Variants in ELAVL2 observed in about 807,000 individuals in gnomAD.
ELAVL2 encodes ELAV like RNA binding protein 2.
ELAVL2 carries 4 observed loss-of-function variants against 34.6 expected under a neutral mutation model. The observed-to-expected ratio is 0.12, with a 90% CI of 0.06 to 0.26. The LOEUF (loss-of-function observed/expected upper bound fraction) is 0.26, where lower values mean the gene tolerates loss of function less well. ELAVL2 is among the 10% of genes least tolerant of loss of function. The pLI, the probability that ELAVL2 is intolerant of heterozygous loss-of-function variation, is 1.00. For missense variants in ELAVL2, 432 were observed against 442.8 expected (o/e 0.98, Z 0.22); for synonymous variants, 193 against 154.8 (o/e 1.25, Z -1.83).
chr9:23,701,700 A>T, intron 4 of ELAVL2, 96 bp from the exon 5 acceptor site: 1 of 1,275,004 alleles, frequency 7.8e-7, no homozygotes, highest in Non-Finnish European at 1.1e-6. Context: ...TCTCAAGAAC[A>T]TGTTTTCACC....
chr9:23,800,078 A>C (rs1006617137), intron 1 of ELAVL2, among the ~76,000 whole-genome samples: 2 of 152,220 alleles, frequency 1.3e-5, no homozygotes, highest in African/African-American at 2.4e-5. Flanking sequence ...AAATAACCTC[A>C]TTAAGGCAAG....
At chr9:23,768,273 T>C (rs2056691704) in intron 1 of ELAVL2, among the ~76,000 whole-genome samples, 1 of 152,146 alleles carries the variant, frequency 6.6e-6, no homozygotes, top group African/African-American at 2.4e-5. Context: ...CTTCTAGCTT[T>C]GTTTATGCAG....
At position 23,763,207 on chromosome 9, in the gene ELAVL2, A is replaced by C. The variant is rs561194264; in HGVS notation, c.-15-958T>G. On this transcript the variant is annotated intron_variant, in intron 1 of 6. Coordinates refer to ENST00000397312, the MANE Select transcript of ELAVL2 (RefSeq NM_004432.5). ...AAGTAATAGGGTATCTATAAACTCCAAACACCAGATAAAGAACAGAATTGG... is the reference window on the plus strand; with the variant it reads ...AAGTAATAGGGTATCTATAAACTCCCAACACCAGATAAAGAACAGAATTGG... Among the ~76,000 whole-genome samples the C allele has an allele frequency of 2.0e-5, 3 of 152,238 alleles. No homozygotes were observed. In the East Asian group the frequency reaches 5.8e-4, roughly 29 times the overall value.
intron 2 of ELAVL2, among the ~76,000 whole-genome samples, chr9:23,760,931 G>A (rs1426800424): frequency 6.6e-6 from 1 of 151,960 alleles, no homozygotes; most frequent in Non-Finnish European, 1.5e-5. Context: ...ATAGCTCAAA[G>A]TCCCATGTAT....
At chr9:23,754,984 G>A (rs2053188832) in intron 2 of ELAVL2, among the ~76,000 whole-genome samples, 1 of 152,064 alleles carries the variant, frequency 6.6e-6, no homozygotes, top group Non-Finnish European at 1.5e-5. Context: ...TGTTAAAAGT[G>A]CCCTTATCTT....
At chr9:23,723,531 T>C (rs576991614) in intron 3 of ELAVL2, among the ~76,000 whole-genome samples, 11 of 152,062 alleles carry the variant, frequency 7.2e-5, no homozygotes, top group African/African-American at 2.4e-4. Context: ...GACCTGCACA[T>C]TGTGCACATG....
chr9:23,811,220 A>G (rs775484661), intron 1 of ELAVL2, among the ~76,000 whole-genome samples: 8 of 152,164 alleles, frequency 5.3e-5, no homozygotes, highest in Non-Finnish European at 1.0e-4. Context: ...AAAGTCCAAG[A>G]AACAAGAACA....
At chr9:23,775,797 C>T (rs2058090102) in intron 1 of ELAVL2, among the ~76,000 whole-genome samples, 1 of 152,114 alleles carries the variant, frequency 6.6e-6, no homozygotes. Context: ...CCAGTGTCAC[C>T]CAACCTGTTT....
At chr9:23,827,542 AATGTAATGTACACATTACATTACAC>A (rs140576345), upstream of ELAVL2, among the ~76,000 whole-genome samples, 8 of 152,162 alleles carry the variant, frequency 5.3e-5, no homozygotes, top group Non-Finnish European at 1.2e-4. Context: ...AGAATGTGTA[AATGTAATGTACACATTACATTACAC>A]ATGTAATGTG....
chr9:23,793,743 T>A (rs2060589601), intron 1 of ELAVL2, among the ~76,000 whole-genome samples: 1 of 152,282 alleles, frequency 6.6e-6, no homozygotes, highest in South Asian at 2.1e-4. Context: ...GGCTCTTGAT[T>A]TTTACATGCC....
At chr9:23,835,118 T>C in the ELAVL2 span, among the ~76,000 whole-genome samples, 5 of 152,104 alleles carry the variant, frequency 3.3e-5, no homozygotes, top group African/African-American at 4.8e-5. Context: ...GCATTAATTA[T>C]GGCTATTGTT....
intron 3 of ELAVL2, among the ~76,000 whole-genome samples, chr9:23,706,336 G>C (rs2039314060): frequency 6.6e-6 from 1 of 152,190 alleles, no homozygotes; most frequent in Admixed American, 6.5e-5. Flanking sequence ...TCAATGCCTA[G>C]TGAGTGCCTG....
At chr9:23,799,172 C>A (rs147025733) in intron 1 of ELAVL2, among the ~76,000 whole-genome samples, 1 of 152,126 alleles carries the variant, frequency 6.6e-6, no homozygotes, top group East Asian at 1.9e-4. Flanking sequence ...AATTTTTTTC[C>A]ATCTCTATCT....
intron 1 of ELAVL2, among the ~76,000 whole-genome samples, chr9:23,797,923 T>C (rs1588614043): frequency 6.6e-6 from 1 of 151,852 alleles, no homozygotes; most frequent in East Asian, 1.9e-4. Flanking sequence ...AGTGAAACTC[T>C]GTCTCAAAAG....
chr9:23,730,708 C>A (rs575264618), intron 3 of ELAVL2, among the ~76,000 whole-genome samples: 1 of 152,016 alleles, frequency 6.6e-6, no homozygotes, highest in Non-Finnish European at 1.5e-5. Context: ...TATAGAAGAA[C>A]AAGTCTAAGG....
rs949956882 is a variant in ELAVL2, at chr9:23,761,866, A to T, written c.229+140T>A. ...AAGAAAATTTTAAACTAAGTTTCAT[A>T]TTGCTGATGTAATAACAGAGAGAAA... On this transcript the variant is annotated intron_variant, in intron 2 of 6. Transcript: ENST00000397312. 1.4e-5 allele frequency: 16 copies of T among 1,181,152 alleles called. 1 individual carries two copies. Among genetic ancestry groups the T allele is most frequent in the Middle Eastern group, 2.9e-4 (1 of 3,412 alleles). 73.2% of individuals were successfully genotyped at this position (1,181,152 alleles called of 1,614,324 possible).
chr9:23,760,129 C>A lies in ELAVL2; in HGVS notation c.229+1877G>T, dbSNP rs117834850. Among the ~76,000 whole-genome samples, 362 of 151,944 alleles carry A rather than the reference C, an allele frequency of 2.4e-3. 6 individuals carry two copies. In the East Asian group the frequency reaches 0.037, roughly 15 times the overall value. ...AACTCAAATTTATCCCATTTTGCCA[C>A]ATAACAGCTCTAAAGATTCACAAAA... On this transcript the variant is annotated intron_variant, in intron 2 of 6. Coordinates refer to ENST00000397312, the MANE Select transcript of ELAVL2 (RefSeq NM_004432.5).
intron 1 of ELAVL2, among the ~76,000 whole-genome samples, chr9:23,801,925 T>C (rs575048673): frequency 5.5e-4 from 83 of 152,260 alleles, no homozygotes; most frequent in Non-Finnish European, 6.6e-4. Context: ...ATGGTGGTTT[T>C]AGATGACACC....
chr9:23,760,556 A>T (rs1336752131), intron 2 of ELAVL2, among the ~76,000 whole-genome samples: 3 of 152,072 alleles, frequency 2.0e-5, no homozygotes, highest in Non-Finnish European at 4.4e-5. Flanking sequence ...ACGTAAGAGC[A>T]GCCTTTTGTT....
Sources: allele counts gnomAD v4.1 joint callset (sites outside exome capture counted in the v4.1 genomes callset), GRCh38; gene constraint gnomAD v4.1.1; transcripts MANE v1.5; gene names NCBI Gene and HGNC (gene_info 2026-07-23, HGNC 2026-07-21).